The following NDFIP2 variants were observed in gnomAD, a reference collection of about 807,000 sequenced individuals.
NDFIP2 encodes the protein Nedd4 family interacting protein 2, also known as NEDD4 family-interacting protein 2.
In NDFIP2, 19 loss-of-function variants were observed where a neutral mutation model predicts 36.0. The ratio of observed to expected loss-of-function variants is 0.53; its 90% CI spans 0.37 to 0.77. The LOEUF (loss-of-function observed/expected upper bound fraction) is 0.77. Ranked by LOEUF, NDFIP2 falls within the 30% of genes least tolerant of loss-of-function variation. The probability of loss-of-function intolerance (pLI) is 0.00; values close to 1 mark genes in which losing one functional copy is unlikely to be tolerated. For missense variants in NDFIP2, 446 were observed against 435.8 expected (o/e 1.02, Z -0.21); for synonymous variants, 181 against 167.7 (o/e 1.08, Z -0.61).
In NDFIP2 at chr13:79,481,162, C is replaced by T; in HGVS notation, c.-42C>T. 6.9e-7 allele frequency: 1 copy of T among 1,444,708 alleles called. No homozygotes were observed. The highest frequency in any genetic ancestry group is 9.0e-7 in the Non-Finnish European group (1 of 1,107,386). The allele number at this position is 1,444,708 out of a possible 1,614,324, so 89.5% of individuals were successfully genotyped here. On this transcript the variant is annotated 5_prime_UTR_variant, in exon 1 of 8. Transcript: ENST00000218652. ...CTCCCCCGGACTTGCCTTACTTTTC[C>T]ATCTCCTCCCACCCAGCTATACCCT...
intron 1 of NDFIP2, among the ~76,000 whole-genome samples, chr13:79,492,432 C>A (rs1873269303): frequency 6.6e-6 from 1 of 151,952 alleles, no homozygotes. Context: ...GAGGCAGAGT[C>A]TCGCTGTGTC....
chr13:79,544,390 AG>A lies in NDFIP2; in HGVS notation c.840+709del, dbSNP rs200565052. Among the ~76,000 whole-genome samples the A allele has an allele frequency of 7.9e-4, 121 of 152,252 alleles. No homozygotes were observed. In the East Asian group the frequency reaches 0.023, roughly 28 times the overall value. On this transcript the variant is annotated intron_variant, in intron 5 of 7. Transcript: ENST00000218652. Reference sequence around the variant, plus strand: ...TTAACAACTTTTCTAGTCTCCAGATAGTTTTCTGTAAAAATTGCATAGGCAT... The same window carrying A: ...TTAACAACTTTTCTAGTCTCCAGATATTTTCTGTAAAAATTGCATAGGCAT...
chr13:79,545,927 G>C (rs1202954517), intron 5 of NDFIP2, among the ~76,000 whole-genome samples: 1 of 152,120 alleles, frequency 6.6e-6, no homozygotes, highest in Non-Finnish European at 1.5e-5. Context: ...GTAGAGACAG[G>C]GTTTCACCGC....
chr13:79,496,756 A>G (rs917269688), intron 1 of NDFIP2, among the ~76,000 whole-genome samples: 15 of 151,906 alleles, frequency 9.9e-5, no homozygotes, highest in Non-Finnish European at 1.8e-4. Flanking sequence ...TCTGCTTTTT[A>G]TAATGGGTAA....
At chr13:79,520,387 C>T (rs1466764592) in intron 1 of NDFIP2, among the ~76,000 whole-genome samples, 2 of 152,164 alleles carry the variant, frequency 1.3e-5, no homozygotes, top group Non-Finnish European at 2.9e-5. Context: ...CTTCTACAGT[C>T]TCTCCGATTT....
At chr13:79,521,982 G>A (rs573108385) in intron 2 of NDFIP2, among the ~76,000 whole-genome samples, 13 of 151,844 alleles carry the variant, frequency 8.6e-5, no homozygotes, top group Admixed American at 2.6e-4. Flanking sequence ...CCACGACCAC[G>A]CCTGGCTAAT....
rs1286693994 is a variant in NDFIP2 at position 79,481,317 on chromosome 13, G to T, written c.114G>T (p.Ala38=). 5.8e-6 allele frequency: 9 copies of T among 1,543,094 alleles called. No individual in the cohort carries two copies. The highest frequency in any genetic ancestry group is 1.2e-5 in the South Asian group (1 of 84,040). ...CCGCGACCAACGCGGAGGTCTCGGC[G>T]GCCGCTGCGGGAGCCACAGGAAGTG... ...RGTATNAEVS[A]AAAGATGSEE... The change falls in exon 1 of 8, where the codon GCG becomes GCT. Residue 38 remains alanine, a synonymous_variant. Coordinates refer to ENST00000218652, the MANE Select transcript of NDFIP2 (RefSeq NM_019080.3).
At chr13:79,540,949 T>A (rs1875429938) in intron 4 of NDFIP2, among the ~76,000 whole-genome samples, 1 of 152,216 alleles carries the variant, frequency 6.6e-6, no homozygotes. Context: ...AAACTGTGGT[T>A]ACAAATGAGT....
At chr13:79,538,520 A>G (rs963784210) in intron 3 of NDFIP2, among the ~76,000 whole-genome samples, 1 of 152,220 alleles carries the variant, frequency 6.6e-6, no homozygotes, top group African/African-American at 2.4e-5. Flanking sequence ...GAAATTGGCC[A>G]ACAAAAGGGG....
chr13:79,481,541 C>T lies in NDFIP2; in HGVS notation c.321+17C>T. On this transcript the variant is annotated intron_variant, in intron 1 of 7. Transcript: ENST00000218652. The stretch of plus-strand genomic sequence containing the variant: ...TACCAGGTGGTGAGTTCCCGGCCTC[C>T]TGTGCCTCCCGGGACTGCCTCCCGC... The T allele has an allele frequency of 1.3e-6, 2 of 1,540,980 alleles. No individual in the cohort carries two copies. The highest frequency in any genetic ancestry group is 8.7e-7 in the Non-Finnish European group (1 of 1,143,802).
intron 2 of NDFIP2, 46 bp downstream of exon 2, chr13:79,521,021 G>A: frequency 2.2e-6 from 3 of 1,376,030 alleles, no homozygotes; most frequent in African/African-American, 1.7e-5. Flanking sequence ...TTTTTTTTTT[G>A]ACATTTTGGT....
intron 1 of NDFIP2, among the ~76,000 whole-genome samples, chr13:79,495,336 G>T (rs1247670339): frequency 6.6e-6 from 1 of 151,880 alleles, no homozygotes; most frequent in African/African-American, 2.4e-5. Context: ...ATGATTTAAT[G>T]ATCCTTTAAT....
At chr13:79,508,285 C>G (rs1873946452) in intron 1 of NDFIP2, among the ~76,000 whole-genome samples, 1 of 152,170 alleles carries the variant, frequency 6.6e-6, no homozygotes, top group African/African-American at 2.4e-5. Flanking sequence ...GGGTCCTGCA[C>G]ACTTTTACCT....
chr13:79,508,449 ATATT>A (rs758560907), intron 1 of NDFIP2, among the ~76,000 whole-genome samples: 3 of 152,186 alleles, frequency 2.0e-5, no homozygotes, highest in Non-Finnish European at 4.4e-5. Flanking sequence ...CTGGTTGCTC[ATATT>A]TATTGTTATT....
chr13:79,548,947 TTTTG>T (rs1327759996), intron 6 of NDFIP2, among the ~76,000 whole-genome samples: 1 of 152,038 alleles, frequency 6.6e-6, no homozygotes, highest in Admixed American at 6.6e-5. Flanking sequence ...TTTTGTTCCC[TTTTG>T]TTTTTTACCT....
At chr13:79,492,045 A>G (rs1189566402) in intron 1 of NDFIP2, among the ~76,000 whole-genome samples, 1 of 152,226 alleles carries the variant, frequency 6.6e-6, no homozygotes, top group Admixed American at 6.5e-5. Flanking sequence ...GGTTTAGTTC[A>G]TCTATGATGT....
rs192028860 is a variant in NDFIP2 at position 79,500,107 on chromosome 13, C to G, written c.321+18583C>G. Among the ~76,000 whole-genome samples, 30 of 146,972 alleles carry G rather than the reference C, an allele frequency of 2.0e-4. 1 individual carries two copies. In the East Asian group the frequency reaches 5.6e-3, roughly 27 times the overall value. On this transcript the variant is annotated intron_variant, in intron 1 of 7. Coordinates refer to ENST00000218652, the MANE Select transcript of NDFIP2 (RefSeq NM_019080.3). ...GGTTTTAACAAAGGAGTAAAGGCAA[C>G]ACAGTAAAGCAAAGATAGTCTTTTC...
intron 5 of NDFIP2, among the ~76,000 whole-genome samples, chr13:79,544,803 TC>T (rs1250548641): frequency 2.6e-5 from 4 of 152,104 alleles, no homozygotes; most frequent in Non-Finnish European, 5.9e-5. Flanking sequence ...GTAATGCATT[TC>T]TTCATTATTT....
intron 6 of NDFIP2, among the ~76,000 whole-genome samples, chr13:79,550,700 G>A (rs1161257038): frequency 6.6e-6 from 1 of 151,456 alleles, no homozygotes; most frequent in African/African-American, 2.4e-5. Context: ...GTTTTTATGA[G>A]TTGAATCAGT....
Sources: gnomAD v4.1 joint callset for allele counts (sites outside exome capture counted in the v4.1 genomes callset) on GRCh38, gnomAD v4.1.1 for gene constraint, MANE v1.5 for transcripts, NCBI Gene and HGNC (gene_info 2026-07-23, HGNC 2026-07-21) for gene names.